Variants in SLC44A1 observed in about 807,000 individuals in gnomAD.
The protein encoded by SLC44A1 is choline transporter-like protein 1.
In SLC44A1, 26 loss-of-function variants were observed where a neutral mutation model predicts 79.3. That is an observed-to-expected ratio of 0.33 (90% CI 0.24 to 0.46). The LOEUF (loss-of-function observed/expected upper bound fraction) is 0.46. Among genes scored for constraint, SLC44A1 ranks in the 20% least tolerant of loss-of-function variants. The pLI is 1.00. For synonymous variants in SLC44A1, 263 were observed against 286.2 expected (o/e 0.92, Z 0.82); for missense variants, 688 against 798.1 (o/e 0.86, Z 1.66).
At chr9:105,330,658 C>A (rs1372559432) in intron 3 of SLC44A1, among the ~76,000 whole-genome samples, 20 of 152,168 alleles carry the variant, frequency 1.3e-4, no homozygotes, top group Admixed American at 1.3e-3. Flanking sequence ...GTGCATCTGT[C>A]CTCCTCGTTC....
Position 105,364,716 on chromosome 9 carries a change from A to G in SLC44A1, c.1249A>G (p.Thr417Ala), listed in dbSNP as rs1310745728. The G allele has an allele frequency of 3.1e-6, 5 of 1,611,968 alleles. No homozygotes were observed. The highest frequency in any genetic ancestry group is 4.2e-6 in the Non-Finnish European group (5 of 1,178,946). Residue 417 changes from threonine (T) to alanine (A), a missense_variant, in exon 10 of 16, where the codon ACT (threonine) becomes GCT (alanine). Physicochemically the swap from Thr to Ala is moderately conservative, Grantham distance 58. Coordinates refer to ENST00000374720, the MANE Select transcript of SLC44A1 (RefSeq NM_080546.5). Reference sequence around the variant, plus strand: ...AGGAGCTGTGGTAACATACTATTTTACTAGGTAAGAATATGTTGTTATTAG... The same window carrying G: ...AGGAGCTGTGGTAACATACTATTTTGCTAGGTAAGAATATGTTGTTATTAG... ...VAGAVVTYYF[T>A]RDKRNLPFTP...
intron 12 of SLC44A1, among the ~76,000 whole-genome samples, chr9:105,369,201 C>A (rs1828028505): frequency 6.6e-6 from 1 of 152,118 alleles, no homozygotes; most frequent in Admixed American, 6.5e-5. Context: ...AACAAAATAC[C>A]ATACACTAGG....
At chr9:105,421,662 A>G (rs1362000362) in intron 15 of SLC44A1, among the ~76,000 whole-genome samples, 2 of 144,072 alleles carry the variant, frequency 1.4e-5, no homozygotes, top group Non-Finnish European at 3.0e-5. Context: ...ATCTCGGCTC[A>G]CTGCAAGCTC....
Position 105,390,112 on chromosome 9 carries a change from T to C in SLC44A1, c.*1056T>C, listed in dbSNP as rs563335960. The C allele has an allele frequency of 4.0e-6, 5 of 1,251,218 alleles. No individual in the cohort carries two copies. The highest frequency in any genetic ancestry group is 3.2e-5 in the East Asian group (1 of 31,368). The allele number at this position is 1,251,218 out of a possible 1,614,324, so 77.5% of individuals were successfully genotyped here. A position where few individuals can be genotyped will look rare whatever the true frequency, so the allele number is the denominator to read the frequency against. On this transcript the variant is annotated 3_prime_UTR_variant, in exon 16 of 16. Transcript: ENST00000374720. Reference sequence around the variant, plus strand: ...TCATTGAGTATCCAGAGTTCTACGATGTTTAACTGAAGAATTGGCTAATGT... The same window carrying C: ...TCATTGAGTATCCAGAGTTCTACGACGTTTAACTGAAGAATTGGCTAATGT...
At chr9:105,423,178 C>T (rs1467229565) in intron 15 of SLC44A1, among the ~76,000 whole-genome samples, 2 of 152,114 alleles carry the variant, frequency 1.3e-5, no homozygotes, top group African/African-American at 2.4e-5. Flanking sequence ...TGGTGGCTCA[C>T]GCCTGTAATC....
chr9:105,325,882 G>T (rs1221731552), intron 3 of SLC44A1, among the ~76,000 whole-genome samples: 3 of 152,190 alleles, frequency 2.0e-5, no homozygotes, highest in Non-Finnish European at 1.5e-5. Flanking sequence ...GAATTGCACA[G>T]TTTACACAGG....
At chr9:105,279,176 G>A (rs1404993626) in intron 1 of SLC44A1, among the ~76,000 whole-genome samples, 2 of 146,822 alleles carry the variant, frequency 1.4e-5, no homozygotes, top group South Asian at 4.3e-4. Context: ...TCCAGCCTGG[G>A]CGACAAAGCA....
At chr9:105,302,691 C>T (rs997327242) in intron 2 of SLC44A1, among the ~76,000 whole-genome samples, 5 of 149,422 alleles carry the variant, frequency 3.3e-5, no homozygotes, top group Middle Eastern at 3.2e-3. Context: ...AAAAAAAAAA[C>T]CTAATTCCTC....
At chr9:105,330,305 T>C (rs147729027) in intron 3 of SLC44A1, among the ~76,000 whole-genome samples, 132 of 152,330 alleles carry the variant, frequency 8.7e-4, no homozygotes, top group African/African-American at 2.9e-3. Flanking sequence ...ATTCTCACTT[T>C]ACAGTTTGAA....
chr9:105,278,231 TTTTTTC>T (rs1830257781), intron 1 of SLC44A1, among the ~76,000 whole-genome samples: 1 of 151,440 alleles, frequency 6.6e-6, no homozygotes, highest in Non-Finnish European at 1.5e-5. Context: ...TGGCTAATTT[TTTTTTC>T]TTTTTCTATT....
intron 8 of SLC44A1, among the ~76,000 whole-genome samples, chr9:105,362,073 C>T (rs13293593): frequency 0.095 from 14,217 of 149,890 alleles, 1,624 homozygotes; most frequent in African/African-American, 0.28. Flanking sequence ...CGCGCGCGCG[C>T]GTGTGTGTGT....
chr9:105,399,241 T>C (rs1261067960), downstream of SLC44A1, among the ~76,000 whole-genome samples: 2 of 152,214 alleles, frequency 1.3e-5, no homozygotes, highest in Non-Finnish European at 2.9e-5. Flanking sequence ...CATGGGCTTA[T>C]CAGCAATTTC....
chr9:105,310,495 T>G (rs1433303111), intron 3 of SLC44A1, among the ~76,000 whole-genome samples: 1 of 152,218 alleles, frequency 6.6e-6, no homozygotes, highest in African/African-American at 2.4e-5. Context: ...TGTATGATGC[T>G]AATATATTTG....
intron 15 of SLC44A1, among the ~76,000 whole-genome samples, chr9:105,426,267 C>T (rs373979033): frequency 6.6e-6 from 1 of 152,120 alleles, no homozygotes; most frequent in East Asian, 1.9e-4. Context: ...TGGAGAATGT[C>T]CTGGGGTTAC....
chr9:105,354,368 C>T (rs912589041), intron 5 of SLC44A1, among the ~76,000 whole-genome samples: 1 of 152,062 alleles, frequency 6.6e-6, no homozygotes, highest in East Asian at 1.9e-4. Flanking sequence ...CTTTTTGATT[C>T]TCATAATATT....
chr9:105,293,721 T>C (rs77935244), intron 1 of SLC44A1, among the ~76,000 whole-genome samples: 211 of 152,366 alleles, frequency 1.4e-3, no homozygotes, highest in African/African-American at 4.8e-3. Context: ...TGTTTTACTA[T>C]TATCTGCAAA....
At chr9:105,270,914 T>C (rs1163362387) in intron 1 of SLC44A1, among the ~76,000 whole-genome samples, 1 of 152,230 alleles carries the variant, frequency 6.6e-6, no homozygotes, top group South Asian at 2.1e-4. Flanking sequence ...GCCCTTTGGA[T>C]GAGACAGGCG....
chr9:105,264,005 T>G (rs1223595641), intron 1 of SLC44A1, among the ~76,000 whole-genome samples: 1 of 152,308 alleles, frequency 6.6e-6, no homozygotes, highest in South Asian at 2.1e-4. Flanking sequence ...CTCCTCGCTT[T>G]TCAATTTTTG....
At chr9:105,283,272 A>G (rs1044199866) in intron 1 of SLC44A1, among the ~76,000 whole-genome samples, 1 of 152,210 alleles carries the variant, frequency 6.6e-6, no homozygotes, top group Non-Finnish European at 1.5e-5. Flanking sequence ...TTATTTGTAA[A>G]TTATACTGAA....
Sources: allele counts gnomAD v4.1 joint callset (sites outside exome capture counted in the v4.1 genomes callset), GRCh38; gene constraint gnomAD v4.1.1; transcripts MANE v1.5; gene names NCBI Gene and HGNC (gene_info 2026-07-23, HGNC 2026-07-21).